NPAS3: variants seen among roughly 807,000 people sequenced by gnomAD.
NPAS3 encodes neuronal PAS domain protein 3, also known as neuronal PAS domain-containing protein 3.
Under a neutral mutation model 73.1 loss-of-function variants are expected in NPAS3, and 14 were observed. The ratio of observed to expected loss-of-function variants is 0.19; its 90% CI spans 0.13 to 0.30. The LOEUF is 0.30. Ranked by LOEUF, NPAS3 falls within the 10% of genes least tolerant of loss-of-function variation. The probability of loss-of-function intolerance (pLI) is 1.00; values close to 1 mark genes in which losing one functional copy is unlikely to be tolerated. For missense variants in NPAS3, 1,096 were observed against 1,250.0 expected (o/e 0.88, Z 1.86); for synonymous variants, 620 against 541.5 (o/e 1.14, Z -2.01).
At chr14:33,208,350 C>A (rs768154339) in intron 2 of NPAS3, among the ~76,000 whole-genome samples, 1 of 152,088 alleles carries the variant, frequency 6.6e-6, no homozygotes, top group Non-Finnish European at 1.5e-5. Context: ...GAATTAAATC[C>A]TCTTATTTAA....
chr14:33,055,118 T>C (rs1048534888), intron 1 of NPAS3, among the ~76,000 whole-genome samples: 4 of 152,208 alleles, frequency 2.6e-5, no homozygotes, highest in African/African-American at 9.6e-5. Flanking sequence ...ATAGATTCTT[T>C]AAATACTTTT....
At chr14:33,004,060 GCAAT>G (rs1171224666) in intron 1 of NPAS3, among the ~76,000 whole-genome samples, 1 of 152,140 alleles carries the variant, frequency 6.6e-6, no homozygotes, top group Non-Finnish European at 1.5e-5. Context: ...TGGGAGTTAT[GCAAT>G]CATTATTAGG....
chr14:33,091,994 A>C (rs2042242688), intron 2 of NPAS3, among the ~76,000 whole-genome samples: 1 of 152,150 alleles, frequency 6.6e-6, no homozygotes. Flanking sequence ...AGCTATTTAT[A>C]ACAAACCCAC....
chr14:33,307,183 C>G (rs974276430), intron 3 of NPAS3, among the ~76,000 whole-genome samples: 1 of 152,150 alleles, frequency 6.6e-6, no homozygotes, highest in African/African-American at 2.4e-5. Flanking sequence ...TATAATGTCA[C>G]TTTACAATTA....
intron 6 of NPAS3, among the ~76,000 whole-genome samples, chr14:33,728,486 CTT>C (rs951228545): frequency 1.3e-5 from 2 of 152,136 alleles, no homozygotes. Flanking sequence ...ATATCAGACA[CTT>C]TTGTTGGACT....
intron 5 of NPAS3, among the ~76,000 whole-genome samples, chr14:33,660,654 C>T (rs927031894): frequency 3.9e-5 from 6 of 152,206 alleles, no homozygotes; most frequent in African/African-American, 1.2e-4. Flanking sequence ...GCCATAGATG[C>T]TCTAATGAAT....
chr14:33,589,190 T>C (rs2139931790), intron 5 of NPAS3, among the ~76,000 whole-genome samples: 1 of 152,346 alleles, frequency 6.6e-6, no homozygotes, highest in Non-Finnish European at 1.5e-5. Flanking sequence ...TCCAGTTCTG[T>C]TTTCCTTTAT....
At position 33,615,041 on chromosome 14, in the gene NPAS3, G is replaced by C. The variant is rs79325223; in HGVS notation, c.558+54831G>C. ...TGAAAAACAGGTAGGAGTTCTGTAA[G>C]TAGAGCTGAAGCAAAGGCCATTCTA... On this transcript the variant is annotated intron_variant, in intron 5 of 11. Transcript: ENST00000356141. Among the ~76,000 whole-genome samples the C allele has an allele frequency of 0.013, 1,986 of 152,260 alleles. 99 individuals carry two copies. The East Asian group carries it at 0.19, about 15-fold the overall frequency.
At chr14:33,302,029 G>A (rs2042572081) in intron 3 of NPAS3, among the ~76,000 whole-genome samples, 1 of 152,084 alleles carries the variant, frequency 6.6e-6, no homozygotes, top group African/African-American at 2.4e-5. Context: ...CGGAGGGGTG[G>A]CTTATGTCTG....
At chr14:33,662,043 CTA>C (rs2059323632) in intron 5 of NPAS3, among the ~76,000 whole-genome samples, 1 of 152,196 alleles carries the variant, frequency 6.6e-6, no homozygotes, top group African/African-American at 2.4e-5. Flanking sequence ...AGGCACAACA[CTA>C]TAGGTGATTT....
chr14:33,710,465 G>GTCCA (rs1401697696), intron 6 of NPAS3, among the ~76,000 whole-genome samples: 1 of 152,144 alleles, frequency 6.6e-6, no homozygotes, highest in Non-Finnish European at 1.5e-5. Context: ...GCAAAGTGTG[G>GTCCA]GTGTTGAAAT....
At chr14:33,081,397 C>T (rs1474199086) in intron 2 of NPAS3, among the ~76,000 whole-genome samples, 1 of 151,840 alleles carries the variant, frequency 6.6e-6, no homozygotes, top group Admixed American at 6.5e-5. Flanking sequence ...AGCTTATTCT[C>T]AAGTACTAAA....
At position 33,282,518 on chromosome 14, in the gene NPAS3, C is replaced by T. The variant is rs147448709; in HGVS notation, c.385+67092C>T. Among the ~76,000 whole-genome samples the T allele has an allele frequency of 3.0e-3, 461 of 152,258 alleles. 3 individuals carry two copies. The highest frequency in any genetic ancestry group is 0.01 in the Middle Eastern group (3 of 294). On this transcript the variant is annotated intron_variant, in intron 3 of 11. Transcript: ENST00000356141. ...AATCCTGGGTGAGAGGGACACTGTGCGTTGATCCCTGCGTAATTAGGACAG... is the reference window on the plus strand; with the variant it reads ...AATCCTGGGTGAGAGGGACACTGTGTGTTGATCCCTGCGTAATTAGGACAG...
intron 9 of NPAS3, chr14:33,780,583 T>G (rs760617887): frequency 4.5e-6 from 2 of 443,176 alleles, no homozygotes; most frequent in South Asian, 3.3e-5. Context: ...CAGTTATTAT[T>G]TGGAAAACAT....
intron 6 of NPAS3, among the ~76,000 whole-genome samples, chr14:33,731,437 AAAAGAG>A (rs528999466): frequency 0.022 from 3,333 of 151,166 alleles, 65 homozygotes; most frequent in African/African-American, 0.045. Flanking sequence ...AAAAAAAAAA[AAAAGAG>A]AGAGAGAAAG....
chr14:33,616,624 G>A (rs2057927965), intron 5 of NPAS3, among the ~76,000 whole-genome samples: 1 of 152,140 alleles, frequency 6.6e-6, no homozygotes, highest in South Asian at 2.1e-4. Flanking sequence ...GTGATCCTGT[G>A]CTTTTTGTTG....
chr14:33,321,051 A>G (rs150044062), intron 3 of NPAS3, among the ~76,000 whole-genome samples: 100 of 152,216 alleles, frequency 6.6e-4, no homozygotes, highest in African/African-American at 2.1e-3. Context: ...AGTTTCTTTA[A>G]CCTTCATGTA....
At chr14:33,064,358 G>A (rs1351669918) in intron 2 of NPAS3, among the ~76,000 whole-genome samples, 2 of 152,160 alleles carry the variant, frequency 1.3e-5, no homozygotes, top group East Asian at 1.9e-4. Context: ...CAGCAACAAA[G>A]GAACGAAATT....
intron 4 of NPAS3, among the ~76,000 whole-genome samples, chr14:33,492,964 T>C (rs564661282): frequency 6.2e-4 from 94 of 152,288 alleles, no homozygotes; most frequent in African/African-American, 2.2e-3. Flanking sequence ...TTAACCTCGA[T>C]TTATGGTATT....
Sources: allele counts gnomAD v4.1 joint callset (sites outside exome capture counted in the v4.1 genomes callset), GRCh38; gene constraint gnomAD v4.1.1; transcripts MANE v1.5; gene names NCBI Gene and HGNC (gene_info 2026-07-23, HGNC 2026-07-21).